Variants in ADAM2 observed in about 807,000 individuals in gnomAD.
ADAM2 encodes the protein disintegrin and metalloproteinase domain-containing protein 2.
A neutral mutation model predicts 99.3 loss-of-function variants in ADAM2; 101 were observed. That is an observed-to-expected ratio of 1.02 (90% CI 0.87 to 1.20). ADAM2 has a LOEUF of 1.20. Ranked by LOEUF, ADAM2 falls within the 50% of genes most tolerant of loss-of-function variation. The pLI is 0.00. For synonymous variants in ADAM2, 323 were observed against 287.6 expected, an observed-to-expected ratio of 1.12 and a Z score of -1.25; for missense variants, 948 against 878.7, an observed-to-expected ratio of 1.08 and a Z score of -1.00.
intron 7 of ADAM2, among the ~76,000 whole-genome samples, chr8:39,805,744 G>C (rs1227433675): frequency 1.3e-5 from 2 of 152,150 alleles, no homozygotes; most frequent in Non-Finnish European, 2.9e-5. Context: ...GCTGACAGCA[G>C]GGAGACCACA....
At chr8:39,811,698 G>A (rs1215927574) in intron 6 of ADAM2, among the ~76,000 whole-genome samples, 1 of 152,194 alleles carries the variant, frequency 6.6e-6, no homozygotes, top group Admixed American at 6.5e-5. Context: ...CTCAACAGAT[G>A]CAGAAAAGGC....
intron 10 of ADAM2, among the ~76,000 whole-genome samples, chr8:39,779,385 C>T (rs1244684084): frequency 3.3e-5 from 5 of 152,060 alleles, no homozygotes; most frequent in Non-Finnish European, 4.4e-5. Flanking sequence ...TTAGAGCCCC[C>T]CACCATGACC....
chr8:39,786,674 G>A (rs965274989), intron 10 of ADAM2, among the ~76,000 whole-genome samples: 3 of 151,942 alleles, frequency 2.0e-5, no homozygotes, highest in Non-Finnish European at 4.4e-5. Flanking sequence ...AGTTTTAGCC[G>A]AAATTAATTA....
chr8:39,775,175 G>A (rs534443490), intron 11 of ADAM2, among the ~76,000 whole-genome samples: 18 of 152,096 alleles, frequency 1.2e-4, no homozygotes, highest in Non-Finnish European at 2.5e-4. Flanking sequence ...GAAGGAGTGC[G>A]TACATTTCAT....
At chr8:39,816,767 CAG>C (rs893087373) in intron 6 of ADAM2, among the ~76,000 whole-genome samples, 16 of 152,260 alleles carry the variant, frequency 1.1e-4, no homozygotes, top group Middle Eastern at 3.4e-3. Context: ...CCCGGGAAGA[CAG>C]GGGAATGAAG....
intron 17 of ADAM2, 81 bp downstream of exon 17, chr8:39,749,586 C>CATGTGTGTGTGTGTTTGCATGT: frequency 8.2e-7 from 1 of 1,214,500 alleles, no homozygotes; most frequent in Non-Finnish European, 1.2e-6. Context: ...TGTGTGTGTG[C>CATGTGTGTGTGTGTTTGCATGT]GTGTGTGTGT....
intron 1 of ADAM2, among the ~76,000 whole-genome samples, chr8:39,837,549 G>A (rs1014412516): frequency 2.0e-4 from 30 of 151,898 alleles, no homozygotes; most frequent in Non-Finnish European, 2.1e-4. Context: ...ACCACCCCCA[G>A]CTAATTTTCT....
rs760391489 is a variant in ADAM2, at chr8:39,800,528, C to T, written c.570+8882G>A. 3.9e-5 allele frequency among the ~76,000 whole-genome samples: 6 copies of T among 152,044 alleles called. No homozygotes were observed. The South Asian group carries it at 6.2e-4, about 16-fold the overall frequency. ...TTGGAGTTGATTTTCTCATGGTGTA[C>T]TTTAACAGTGTTCTCTGTATTTCCT... On this transcript the variant is annotated intron_variant, in intron 7 of 20. Coordinates refer to ENST00000265708, the MANE Select transcript of ADAM2 (RefSeq NM_001464.5).
chr8:39,782,789 T>G (rs1001711299), intron 10 of ADAM2, among the ~76,000 whole-genome samples: 7 of 152,182 alleles, frequency 4.6e-5, no homozygotes, highest in Admixed American at 3.3e-4. Context: ...TTTGGTAGGT[T>G]GTTATAACTT....
intron 14 of ADAM2, among the ~76,000 whole-genome samples, chr8:39,765,407 C>T (rs1802533723): frequency 6.6e-6 from 1 of 152,056 alleles, no homozygotes; most frequent in Admixed American, 6.5e-5. Flanking sequence ...ACTGATACTA[C>T]AATGATACCT....
At chr8:39,807,606 T>C (rs887944688) in intron 7 of ADAM2, among the ~76,000 whole-genome samples, 1 of 152,140 alleles carries the variant, frequency 6.6e-6, no homozygotes, top group Non-Finnish European at 1.5e-5. Flanking sequence ...ATTAGTGCCC[T>C]TATGGGAAGA....
At chr8:39,789,991 C>A (rs934043292) in intron 7 of ADAM2, among the ~76,000 whole-genome samples, 1 of 151,698 alleles carries the variant, frequency 6.6e-6, no homozygotes, top group African/African-American at 2.4e-5. Context: ...CAAAGAGAAA[C>A]AAATTCACAT....
At chr8:39,790,316 T>C (rs1368134857) in intron 7 of ADAM2, among the ~76,000 whole-genome samples, 1 of 151,940 alleles carries the variant, frequency 6.6e-6, no homozygotes, top group African/African-American at 2.4e-5. Context: ...GGTAATCAAA[T>C]TGCGACACAA....
intron 3 of ADAM2, among the ~76,000 whole-genome samples, chr8:39,831,067 TC>T (rs2129589163): frequency 6.6e-6 from 1 of 152,232 alleles, no homozygotes; most frequent in South Asian, 2.1e-4. Context: ...ATCTTGGACT[TC>T]CCAGCCTCTA....
In ADAM2 at chr8:39,773,724, TTTCCAAAAAGAGTTA is replaced by T. The variant is rs909276435; in HGVS notation, c.1028+3286_1028+3300del. On this transcript the variant is annotated intron_variant, in intron 11 of 20. Transcript: ENST00000265708. The stretch of plus-strand genomic sequence containing the variant: ...TCTCAAAAATGACCAATTAAACACC[TTTCCAAAAAGAGTTA>T]TCCAGTTCCGGACAGCTTCACTGAT... Among the ~76,000 whole-genome samples the T allele has an allele frequency of 1.4e-3, 217 of 151,916 alleles. 1 individual carries two copies. Among genetic ancestry groups the T allele is most frequent in the African/African-American group, 5.1e-3 (212 of 41,542 alleles).
intron 15 of ADAM2, among the ~76,000 whole-genome samples, chr8:39,759,165 A>C (rs1245074851): frequency 1.3e-5 from 2 of 152,140 alleles, no homozygotes; most frequent in Non-Finnish European, 2.9e-5. Flanking sequence ...CTTTATCAAA[A>C]CATTTAACCT....
intron 8 of ADAM2, 116 bp downstream of exon 8, chr8:39,788,553 A>G: frequency 1.4e-6 from 1 of 699,228 alleles, no homozygotes; most frequent in Non-Finnish European, 2.2e-6. Context: ...AATTTAAAAT[A>G]AAACTTAATT....
At position 39,749,564 on chromosome 8, in the gene ADAM2, G is replaced by GGT. The variant is rs368362038; in HGVS notation, c.1875+101_1875+102dup. The GGT allele has an allele frequency of 9.1e-3, 10,140 of 1,109,448 alleles. 5 individuals carry two copies. The highest frequency in any genetic ancestry group is 0.017 in the South Asian group (1,045 of 60,070). The allele number at this position is 1,109,448 out of a possible 1,614,324, so 68.7% of individuals were successfully genotyped here. ...TAAGGCCAATTTTCCTATATGTTTT[G>GGT]GTGTGTGTGTGTGTGTGTGTGCGTG... On this transcript the variant is annotated intron_variant, in intron 17 of 20. Transcript: ENST00000265708.
intron 16 of ADAM2, among the ~76,000 whole-genome samples, chr8:39,752,658 T>C (rs771806322): frequency 5.9e-5 from 9 of 152,192 alleles, no homozygotes; most frequent in Admixed American, 5.9e-4. Context: ...GGTGGAGATG[T>C]AATTGTAGCT....
Sources: allele counts gnomAD v4.1 joint callset (sites outside exome capture counted in the v4.1 genomes callset), GRCh38; gene constraint gnomAD v4.1.1; transcripts MANE v1.5; gene names NCBI Gene and HGNC (gene_info 2026-07-23, HGNC 2026-07-21).